NCAM2: variants seen among roughly 807,000 people sequenced by gnomAD.
NCAM2 encodes the protein N-CAM-2.
Under a neutral mutation model 98.1 loss-of-function variants are expected in NCAM2, and 30 were observed. The ratio of observed to expected loss-of-function variants is 0.31; its 90% CI spans 0.23 to 0.41. The LOEUF is 0.41. Among genes scored for constraint, NCAM2 ranks in the 10% least tolerant of loss-of-function variants. The probability of loss-of-function intolerance (pLI) is 1.00; values close to 1 mark genes in which losing one functional copy is unlikely to be tolerated. For missense variants in NCAM2, 867 were observed against 1,005.8 expected, an observed-to-expected ratio of 0.86 and a Z score of 1.87; for synonymous variants, 368 against 342.4, an observed-to-expected ratio of 1.07 and a Z score of -0.83.
intron 15 of NCAM2, among the ~76,000 whole-genome samples, chr21:21,479,608 A>AAAAAAAAAAAAAAAAAAAAAATT (rs1491473437): frequency 7.8e-6 from 1 of 127,916 alleles, no homozygotes; most frequent in Non-Finnish European, 1.8e-5. Flanking sequence ...AAAAAAAAAA[A>AAAAAAAAAAAAAAAAAAAAAATT]TTGTTGATGA....
At chr21:21,223,627 A>G (rs2070259957) in intron 1 of NCAM2, 1 of 152,160 alleles carries the variant, frequency 6.6e-6, no homozygotes, top group African/African-American at 2.4e-5. Flanking sequence ...ACAGGGAAAC[A>G]TAAAGTTTGA....
chr21:21,371,929 G>C (rs912484098), intron 8 of NCAM2, among the ~76,000 whole-genome samples: 5 of 151,460 alleles, frequency 3.3e-5, no homozygotes, highest in African/African-American at 1.2e-4. Context: ...GGTTAAGTGA[G>C]ATGATCCATC....
At position 21,373,887 on chromosome 21, in the gene NCAM2, A is replaced by C. The variant is rs752953334; in HGVS notation, c.1069A>C (p.Lys357Gln). The part of the protein sequence containing the change: ...DKSLDGRIEV[K>Q]GQHGSSSLHI... ...GAGCCTGGACGGCCGTATCGAAGTC[A>C]AAGGGCAGCATGGAAGCTCATCACT... The change falls in exon 9 of 18, where the codon AAA (lysine) becomes CAA (glutamine). Residue 357 changes from lysine to glutamine, a missense_variant. Physicochemically the swap from Lys to Gln is moderately conservative, Grantham distance 53. Coordinates refer to ENST00000400546, the MANE Select transcript of NCAM2 (RefSeq NM_004540.5). The C allele has an allele frequency of 6.2e-7, 1 of 1,608,960 alleles. No homozygotes were observed. Among genetic ancestry groups the C allele is most frequent in the Non-Finnish European group, 8.5e-7 (1 of 1,177,250 alleles).
intron 1 of NCAM2, among the ~76,000 whole-genome samples, chr21:21,120,569 C>T (rs544445951): frequency 3.3e-5 from 5 of 152,054 alleles, no homozygotes; most frequent in Middle Eastern, 3.4e-3. Flanking sequence ...GACGCTGCTT[C>T]GGCAGAGCCC....
chr21:21,158,998 A>G lies in NCAM2; in HGVS notation c.56-121580A>G, dbSNP rs145383030. Among the ~76,000 whole-genome samples, 33 of 152,254 alleles carry G rather than the reference A, an allele frequency of 2.2e-4. No individual in the cohort carries two copies. In the East Asian group the frequency reaches 3.9e-3, roughly 18 times the overall value. ...TAGCTCCATGATGTTATTGCCCCTG[A>G]AGACCCTTCAGTGGGGTAAGATGTG... is the stretch of plus-strand genomic sequence containing the variant. On this transcript the variant is annotated intron_variant, in intron 1 of 17. Coordinates refer to ENST00000400546, the MANE Select transcript of NCAM2 (RefSeq NM_004540.5).
chr21:21,250,447 G>C lies in NCAM2; in HGVS notation c.56-30131G>C, dbSNP rs543011321. 2.0e-5 allele frequency among the ~76,000 whole-genome samples: 3 copies of C among 152,210 alleles called. No individual in the cohort carries two copies. In the East Asian group the frequency reaches 5.8e-4, roughly 29 times the overall value. The stretch of plus-strand genomic sequence containing the variant: ...CATTTGATGGACAGAGCATTTCGAG[G>C]AATGCATAAAAATATGATTAGGCTA... On this transcript the variant is annotated intron_variant, in intron 1 of 17. Coordinates refer to ENST00000400546, the MANE Select transcript of NCAM2 (RefSeq NM_004540.5).
intron 9 of NCAM2, among the ~76,000 whole-genome samples, chr21:21,388,885 A>G (rs1247266537): frequency 6.6e-6 from 1 of 152,162 alleles, no homozygotes; most frequent in African/African-American, 2.4e-5. Context: ...TAAAGGATAT[A>G]AAATATCTCA....
At chr21:21,388,467 G>C (rs1224504467) in intron 9 of NCAM2, among the ~76,000 whole-genome samples, 1 of 152,132 alleles carries the variant, frequency 6.6e-6, no homozygotes, top group Non-Finnish European at 1.5e-5. Context: ...GCAGCGCAGA[G>C]GCTAATGTTG....
chr21:21,284,079 C>A, intron 2 of NCAM2, 115 bp from the exon 3 acceptor site: 1 of 626,170 alleles, frequency 1.6e-6, no homozygotes, highest in Non-Finnish European at 2.5e-6. Flanking sequence ...GATTTCCAGT[C>A]TGTTACATAA....
chr21:21,505,448 C>CA (rs1602518386), intron 15 of NCAM2, among the ~76,000 whole-genome samples: 1 of 151,722 alleles, frequency 6.6e-6, no homozygotes, highest in East Asian at 1.9e-4. Flanking sequence ...TTGTTTAAGC[C>CA]AAAAAATGAA....
intron 1 of NCAM2, among the ~76,000 whole-genome samples, chr21:21,128,569 T>G (rs1489374488): frequency 6.6e-6 from 1 of 152,124 alleles, no homozygotes; most frequent in Non-Finnish European, 1.5e-5. Context: ...AAGTTGGAAT[T>G]TATAGATCCT....
chr21:21,159,008 A>G (rs549473271), intron 1 of NCAM2, among the ~76,000 whole-genome samples: 1 of 152,252 alleles, frequency 6.6e-6, no homozygotes, highest in Admixed American at 6.5e-5. Flanking sequence ...AAGACCCTTC[A>G]GTGGGGTAAG....
intron 17 of NCAM2, among the ~76,000 whole-genome samples, chr21:21,536,340 T>C (rs1243892314): frequency 6.6e-6 from 1 of 151,988 alleles, no homozygotes; most frequent in Non-Finnish European, 1.5e-5. Flanking sequence ...TTTCACTCCA[T>C]TATAACATGG....
At chr21:21,223,009 C>A (rs1211497967) in intron 1 of NCAM2, among the ~76,000 whole-genome samples, 1 of 152,064 alleles carries the variant, frequency 6.6e-6, no homozygotes, top group Admixed American at 6.6e-5. Context: ...GATGCAAAAC[C>A]CTCCACCAGT....
chr21:21,315,128 C>G (rs1486664413), intron 5 of NCAM2, among the ~76,000 whole-genome samples: 1 of 149,958 alleles, frequency 6.7e-6, no homozygotes, highest in South Asian at 2.1e-4. Context: ...TTCTGACCAT[C>G]TTTCTTGGTT....
chr21:21,380,189 T>C (rs1436796558), intron 9 of NCAM2, among the ~76,000 whole-genome samples: 1 of 152,214 alleles, frequency 6.6e-6, no homozygotes, highest in Non-Finnish European at 1.5e-5. Flanking sequence ...TCCAGTCAAG[T>C]TGACCTTCAG....
intron 1 of NCAM2, among the ~76,000 whole-genome samples, chr21:21,264,344 A>G (rs1228411470): frequency 6.6e-6 from 1 of 152,092 alleles, no homozygotes; most frequent in Admixed American, 6.6e-5. Context: ...GTCAAAAACT[A>G]ACAGATGTTG....
At chr21:21,356,987 C>CAGTAAATA (rs111233511) in intron 8 of NCAM2, among the ~76,000 whole-genome samples, 1 of 144,960 alleles carries the variant, frequency 6.9e-6, no homozygotes, top group Admixed American at 6.9e-5. Flanking sequence ...GAAACTCCAT[C>CAGTAAATA]AATAAATAAA....
chr21:21,466,470 A>G, intron 12 of NCAM2, 136 bp from the exon 13 acceptor site: 1 of 607,740 alleles, frequency 1.6e-6, no homozygotes, highest in South Asian at 4.3e-5. Context: ...TTTTTTAGGT[A>G]TTTCATGGAA....
Sources: allele counts gnomAD v4.1 joint callset (sites outside exome capture counted in the v4.1 genomes callset), GRCh38; gene constraint gnomAD v4.1.1; transcripts MANE v1.5; gene names NCBI Gene and HGNC (gene_info 2026-07-23, HGNC 2026-07-21).